The following LRP1B variants were observed in gnomAD, a reference collection of about 807,000 sequenced individuals.
The protein encoded by LRP1B is low-density lipoprotein receptor-related protein 1B.
Under a neutral mutation model 556.6 loss-of-function variants are expected in LRP1B, and 217 were observed. The observed-to-expected ratio is 0.39, with a 90% confidence interval of 0.35 to 0.44. The LOEUF (loss-of-function observed/expected upper bound fraction) is 0.44. LRP1B is among the 20% of genes least tolerant of loss of function. The pLI, the probability that LRP1B is intolerant of heterozygous loss-of-function variation, is 1.00. For missense variants in LRP1B, 5,053 were observed against 5,620.8 expected (o/e 0.90, Z 3.23); for synonymous variants, 2,047 against 1,865.8 (o/e 1.10, Z -2.50).
At chr2:141,446,201 G>A (rs1435920423) in intron 3 of LRP1B, among the ~76,000 whole-genome samples, 2 of 152,112 alleles carry the variant, frequency 1.3e-5, no homozygotes, top group Non-Finnish European at 2.9e-5. Flanking sequence ...TTGGTTTAAA[G>A]TCTGTTTTAT....
intron 7 of LRP1B, among the ~76,000 whole-genome samples, chr2:141,109,437 G>A (rs1700693816): frequency 1.3e-5 from 2 of 152,014 alleles, no homozygotes; most frequent in Non-Finnish European, 2.9e-5. Flanking sequence ...AAGAAATCAA[G>A]CAAAAATTAG....
At chr2:140,888,189 A>G (rs950105892) in intron 23 of LRP1B, among the ~76,000 whole-genome samples, 1 of 152,128 alleles carries the variant, frequency 6.6e-6, no homozygotes, top group African/African-American at 2.4e-5. Flanking sequence ...AACCCTCCTC[A>G]GATCTGAAAA....
At chr2:142,051,503 A>C (rs1182460453) in intron 1 of LRP1B, among the ~76,000 whole-genome samples, 2 of 151,018 alleles carry the variant, frequency 1.3e-5, no homozygotes, top group African/African-American at 4.9e-5. Flanking sequence ...TTTGAGATGG[A>C]GTCTCGCTCT....
chr2:141,669,662 G>C (rs1415101122), intron 2 of LRP1B, among the ~76,000 whole-genome samples: 2 of 150,838 alleles, frequency 1.3e-5, no homozygotes, highest in Non-Finnish European at 2.9e-5. Context: ...AGAGGAAGGA[G>C]GGTAAGCTAT....
intron 34 of LRP1B, 53 bp from the exon 35 acceptor site, chr2:140,769,397 T>A: frequency 6.8e-7 from 1 of 1,467,878 alleles, no homozygotes; most frequent in Non-Finnish European, 9.2e-7. Flanking sequence ...AATGAATATT[T>A]AAAATACAAA....
intron 14 of LRP1B, among the ~76,000 whole-genome samples, chr2:141,006,595 A>T (rs12691587): frequency 1.3e-5 from 2 of 151,804 alleles, no homozygotes; most frequent in Non-Finnish European, 2.9e-5. Flanking sequence ...ACAAACCGAG[A>T]TAGTAGAGCC....
intron 2 of LRP1B, among the ~76,000 whole-genome samples, chr2:141,744,133 A>T (rs1235605984): frequency 6.6e-6 from 1 of 151,818 alleles, no homozygotes; most frequent in Non-Finnish European, 1.5e-5. Context: ...ATAGCCATAA[A>T]CTTCTTTTTT....
At chr2:141,210,093 C>A (rs1682476879) in intron 6 of LRP1B, among the ~76,000 whole-genome samples, 1 of 150,944 alleles carries the variant, frequency 6.6e-6, no homozygotes, top group African/African-American at 2.4e-5. Flanking sequence ...CAACAAGAAT[C>A]TTAATCAAAA....
rs181908772 is a variant in LRP1B, at chr2:141,005,538, A to G, written c.2381-81T>C. 7.8e-5 allele frequency: 100 copies of G among 1,274,392 alleles called. 1 individual carries two copies. In the East Asian group the frequency reaches 2.1e-3, roughly 26 times the overall value. The allele number at this position is 1,274,392 out of a possible 1,614,324, so 78.9% of individuals were successfully genotyped here. A position where few individuals can be genotyped will look rare whatever the true frequency, so the allele number is the denominator to read the frequency against. On this transcript the variant is annotated intron_variant, in intron 14 of 90. Coordinates refer to ENST00000389484, the MANE Select transcript of LRP1B (RefSeq NM_018557.3). ...GAGGTGAACATAGATGTAATTACATACACTTATATATGCTATGTATATTAT... is the reference window on the plus strand; with the variant it reads ...GAGGTGAACATAGATGTAATTACATGCACTTATATATGCTATGTATATTAT...
intron 7 of LRP1B, among the ~76,000 whole-genome samples, chr2:141,153,575 ATATAT>A (rs1241389396): frequency 4.7e-4 from 61 of 129,002 alleles, no homozygotes; most frequent in Admixed American, 9.6e-4. Flanking sequence ...ATATATAATA[ATATAT>A]TATATATTAG....
chr2:141,614,499 T>A (rs1226156463), intron 2 of LRP1B, among the ~76,000 whole-genome samples: 2 of 152,172 alleles, frequency 1.3e-5, no homozygotes, highest in African/African-American at 4.8e-5. Context: ...TCTTTGCATA[T>A]GTAATCAAGT....
intron 7 of LRP1B, among the ~76,000 whole-genome samples, chr2:141,089,305 A>G (rs773820907): frequency 1.3e-5 from 2 of 152,120 alleles, no homozygotes; most frequent in African/African-American, 2.4e-5. Context: ...ATCAAATTCC[A>G]TTCCTTTTCC....
intron 6 of LRP1B, among the ~76,000 whole-genome samples, chr2:141,225,290 G>T: frequency 6.6e-6 from 1 of 152,084 alleles, no homozygotes; most frequent in South Asian, 2.1e-4. Flanking sequence ...GAGTATTGAA[G>T]AATTCACCCA....
At chr2:141,726,699 C>A (rs966207742) in intron 2 of LRP1B, among the ~76,000 whole-genome samples, 12 of 151,924 alleles carry the variant, frequency 7.9e-5, no homozygotes, top group Middle Eastern at 3.2e-3. Context: ...AAAAAATAAA[C>A]CCAACCAGTC....
At chr2:141,633,587 T>C (rs1261585349) in intron 2 of LRP1B, among the ~76,000 whole-genome samples, 5 of 152,114 alleles carry the variant, frequency 3.3e-5, no homozygotes, top group Non-Finnish European at 7.4e-5. Flanking sequence ...AGCCTTTCTA[T>C]GCTTATTTTT....
At chr2:141,868,033 A>T (rs1698469568) in intron 1 of LRP1B, among the ~76,000 whole-genome samples, 1 of 152,284 alleles carries the variant, frequency 6.6e-6, no homozygotes, top group South Asian at 2.1e-4. Context: ...CATTTAATGT[A>T]GTCCTTCCTA....
intron 1 of LRP1B, among the ~76,000 whole-genome samples, chr2:141,820,034 G>C (rs1385760597): frequency 6.6e-6 from 1 of 152,026 alleles, no homozygotes; most frequent in Non-Finnish European, 1.5e-5. Flanking sequence ...TAGTTAATCA[G>C]TAAGATAAAA....
intron 49 of LRP1B, among the ~76,000 whole-genome samples, chr2:140,519,617 T>C (rs1690070245): frequency 6.6e-6 from 1 of 152,108 alleles, no homozygotes; most frequent in Non-Finnish European, 1.5e-5. Context: ...AAATGGGATC[T>C]AATAAAACTA....
chr2:140,998,269 T>C (rs72991770), intron 15 of LRP1B, among the ~76,000 whole-genome samples: 12,308 of 152,132 alleles, frequency 0.081, 735 homozygotes, highest in African/African-American at 0.16. Context: ...AAATTCTGTC[T>C]TATTTTTAGG....
Sources: allele counts gnomAD v4.1 joint callset (sites outside exome capture counted in the v4.1 genomes callset), GRCh38; gene constraint gnomAD v4.1.1; transcripts MANE v1.5; gene names NCBI Gene and HGNC (gene_info 2026-07-23, HGNC 2026-07-21).